SPAG16: variants seen among roughly 807,000 people sequenced by gnomAD.
SPAG16 encodes the protein sperm associated antigen 16.
In SPAG16, 86 loss-of-function variants were observed where a neutral mutation model predicts 80.4. The observed-to-expected ratio is 1.07, with a 90% CI of 0.90 to 1.28. The LOEUF is 1.28. Among genes scored for constraint, SPAG16 ranks in the 50% most tolerant of loss-of-function variants. The pLI is 0.00. For synonymous variants in SPAG16, 294 were observed against 265.9 expected, an observed-to-expected ratio of 1.11 and a Z score of -1.03; for missense variants, 870 against 765.3, an observed-to-expected ratio of 1.14 and a Z score of -1.61.
chr2:213,962,386 G>C (rs980094295), intron 12 of SPAG16, among the ~76,000 whole-genome samples: 1 of 151,928 alleles, frequency 6.6e-6, no homozygotes, highest in Non-Finnish European at 1.5e-5. Context: ...GTAGAGATGG[G>C]GTTTCACCGT....
In SPAG16 at chr2:213,301,804, T is replaced by C. The variant is rs375936798; in HGVS notation, c.279+4447T>C. ...AGTTTTTCCACTTTATCTTTGGCCC[T>C]TTCTCCGTAAGACCCTGAGCCTTAA... On this transcript the variant is annotated intron_variant, in intron 3 of 15. Transcript: ENST00000331683. 3.9e-5 allele frequency among the ~76,000 whole-genome samples: 6 copies of C among 152,304 alleles called. No homozygotes were observed. In the South Asian group the frequency reaches 1.2e-3, roughly 32 times the overall value.
chr2:213,584,579 A>G (rs1034533037), intron 10 of SPAG16, among the ~76,000 whole-genome samples: 3 of 152,034 alleles, frequency 2.0e-5, no homozygotes, highest in Admixed American at 2.0e-4. Context: ...AGGGAAAGAA[A>G]AAGAAATAAA....
intron 9 of SPAG16, among the ~76,000 whole-genome samples, chr2:213,479,650 TGAG>T (rs2073644571): frequency 6.6e-6 from 1 of 152,200 alleles, no homozygotes; most frequent in African/African-American, 2.4e-5. Context: ...TTGTTGGAAC[TGAG>T]AGGCAACAGG....
At chr2:214,336,437 C>T (rs942761779) in intron 15 of SPAG16, among the ~76,000 whole-genome samples, 1 of 152,080 alleles carries the variant, frequency 6.6e-6, no homozygotes, top group Non-Finnish European at 1.5e-5. Flanking sequence ...CTAAGTAACA[C>T]AAGTATAGAC....
chr2:213,554,201 C>G (rs1323441806), intron 10 of SPAG16, among the ~76,000 whole-genome samples: 2 of 152,210 alleles, frequency 1.3e-5, no homozygotes, highest in Non-Finnish European at 2.9e-5. Context: ...TCTAACAACA[C>G]TTGCTGCCAC....
intron 9 of SPAG16, among the ~76,000 whole-genome samples, chr2:213,406,936 TAAAAA>T (rs60707204): frequency 0.075 from 9,140 of 122,420 alleles, 1,002 homozygotes; most frequent in African/African-American, 0.25. Flanking sequence ...GACGCGGATT[TAAAAA>T]AAAAAAAAAA....
chr2:214,112,129 G>A (rs1378544725), intron 14 of SPAG16, among the ~76,000 whole-genome samples: 2 of 152,174 alleles, frequency 1.3e-5, no homozygotes, highest in Non-Finnish European at 2.9e-5. Context: ...TTTTGAGTGA[G>A]TTTCTTAATC....
Position 214,053,663 on chromosome 2 carries a change from A to C in SPAG16, c.1527+39586A>C, listed in dbSNP as rs527799574. Reference sequence around the variant, plus strand: ...TCAACGTTGTACACAAATTATCAGGAGTCAAGGTCCAGGCTAACACAGCTT... The same window carrying C: ...TCAACGTTGTACACAAATTATCAGGCGTCAAGGTCCAGGCTAACACAGCTT... On this transcript the variant is annotated intron_variant, in intron 13 of 15. Coordinates refer to ENST00000331683, the MANE Select transcript of SPAG16 (RefSeq NM_024532.5). Among the ~76,000 whole-genome samples the C allele has an allele frequency of 3.9e-5, 6 of 152,318 alleles. No individual in the cohort carries two copies. In the South Asian group the frequency reaches 1.2e-3, roughly 32 times the overall value.
rs138678491 is a variant in SPAG16, at chr2:214,378,182, G to T, written c.1721-31958G>T. Among the ~76,000 whole-genome samples the T allele has an allele frequency of 2.4e-3, 359 of 152,282 alleles. 2 individuals are homozygous for T. Among genetic ancestry groups the T allele is most frequent in the African/African-American group, 6.8e-3 (283 of 41,568 alleles). On this transcript the variant is annotated intron_variant, in intron 15 of 15. Transcript: ENST00000331683. The stretch of plus-strand genomic sequence containing the variant: ...TACTGATACACTTTAGACATCTCCA[G>T]AACTGTAGGATAATAAATTTGTGTC...
At chr2:213,751,560 CCG>C (rs1559437018) in intron 10 of SPAG16, among the ~76,000 whole-genome samples, 9 of 152,302 alleles carry the variant, frequency 5.9e-5, no homozygotes, top group East Asian at 5.8e-4. Flanking sequence ...TCCAGTCTTA[CCG>C]TCAGCCTCCT....
At chr2:213,412,607 C>A (rs1394676582) in intron 9 of SPAG16, among the ~76,000 whole-genome samples, 1 of 151,294 alleles carries the variant, frequency 6.6e-6, no homozygotes, top group Non-Finnish European at 1.5e-5. Flanking sequence ...GTGCCACTCT[C>A]AGTGTTTTGT....
chr2:214,002,310 T>C (rs1483161094), intron 12 of SPAG16, among the ~76,000 whole-genome samples: 2 of 152,020 alleles, frequency 1.3e-5, no homozygotes, highest in East Asian at 3.9e-4. Context: ...CTCTTCTGAG[T>C]CTCAGTATCA....
In SPAG16 at chr2:213,350,597, G is replaced by A. The variant is rs1398245223; in HGVS notation, c.714G>A (p.Leu238=). 6.2e-7 allele frequency: 1 copy of A among 1,605,184 alleles called. No homozygotes were observed. The highest frequency in any genetic ancestry group is 8.5e-7 in the Non-Finnish European group (1 of 1,177,252). ...RVLHEKHHTL[L]KEKMLTSLER... ...TACATGAGAAACACCACACTTTACTGAAGGAGAAAATGCTGACCTCCTTGG... is the reference window on the plus strand; with the variant it reads ...TACATGAGAAACACCACACTTTACTAAAGGAGAAAATGCTGACCTCCTTGG... The change falls in exon 7 of 16, where the codon CTG becomes CTA. Residue 238 remains leucine (L), a synonymous_variant. Coordinates refer to ENST00000331683, the MANE Select transcript of SPAG16 (RefSeq NM_024532.5).
At chr2:214,033,986 G>T (rs1003290167) in intron 13 of SPAG16, among the ~76,000 whole-genome samples, 2 of 152,268 alleles carry the variant, frequency 1.3e-5, no homozygotes, top group East Asian at 1.9e-4. Flanking sequence ...TCAGTTAGTT[G>T]TCTTGTCTCT....
rs140071726 is a variant in SPAG16 at position 213,862,134 on chromosome 2, A to G, written c.1071-351A>G. 5.3e-5 allele frequency among the ~76,000 whole-genome samples: 8 copies of G among 152,330 alleles called. No individual in the cohort carries two copies. In the East Asian group the frequency reaches 1.2e-3, roughly 22 times the overall value. On this transcript the variant is annotated intron_variant, in intron 10 of 15. Coordinates refer to ENST00000331683, the MANE Select transcript of SPAG16 (RefSeq NM_024532.5). ...AGTAACCATGACCACTGGTCCAAAT[A>G]TCCCAACATAAAAATACCATTGGCA...
Position 213,350,818 on chromosome 2 carries a change from C to A in SPAG16, c.762+173C>A, listed in dbSNP as rs540620752. ...GAAAAAGTATTTCTCCATTTAACTA[C>A]CTATAAAGATTATTATAAAATTAGG... On this transcript the variant is annotated intron_variant, in intron 7 of 15. Coordinates refer to ENST00000331683, the MANE Select transcript of SPAG16 (RefSeq NM_024532.5). Among the ~76,000 whole-genome samples, 69 of 152,182 alleles carry A rather than the reference C, an allele frequency of 4.5e-4. 1 individual carries two copies. The South Asian group carries it at 0.014, about 32-fold the overall frequency.
At chr2:213,600,716 C>T (rs1316769051) in intron 10 of SPAG16, among the ~76,000 whole-genome samples, 3 of 152,168 alleles carry the variant, frequency 2.0e-5, no homozygotes, top group African/African-American at 4.8e-5. Context: ...TGACATTAAG[C>T]ATGCATATTC....
chr2:213,823,429 C>T (rs183677458), intron 10 of SPAG16, among the ~76,000 whole-genome samples: 51 of 152,220 alleles, frequency 3.4e-4, no homozygotes, highest in Admixed American at 2.9e-3. Context: ...GGCGTGATCT[C>T]GGCTCACCAC....
At chr2:213,646,808 A>G (rs1232776099) in intron 10 of SPAG16, among the ~76,000 whole-genome samples, 1 of 152,216 alleles carries the variant, frequency 6.6e-6, no homozygotes, top group Non-Finnish European at 1.5e-5. Context: ...GCAGGTTCAC[A>G]GCAGCTCTCT....
Sources: gnomAD v4.1 joint callset for allele counts (sites outside exome capture counted in the v4.1 genomes callset) on GRCh38, gnomAD v4.1.1 for gene constraint, MANE v1.5 for transcripts, NCBI Gene and HGNC (gene_info 2026-07-23, HGNC 2026-07-21) for gene names.